OPRM1: variants seen among roughly 807,000 people sequenced by gnomAD.
The protein encoded by OPRM1 is opioid receptor mu 1.
In OPRM1, 27 loss-of-function variants were observed where a neutral mutation model predicts 31.8. The ratio of observed to expected loss-of-function variants is 0.85; its 90% confidence interval spans 0.63 to 1.17. The LOEUF is 1.17. Ranked by LOEUF, OPRM1 falls within the 50% of genes most tolerant of loss-of-function variation. OPRM1 has a pLI of 0.00. For synonymous variants in OPRM1, 196 were observed against 189.9 expected, an observed-to-expected ratio of 1.03 and a Z score of -0.26; for missense variants, 536 against 511.1, an observed-to-expected ratio of 1.05 and a Z score of -0.47.
rs73790433 is a variant in OPRM1 at position 154,114,162 on chromosome 6, C to A, written c.1165-4521C>A. Among the ~76,000 whole-genome samples the A allele has an allele frequency of 1.6e-3, 239 of 152,300 alleles. 1 individual carries two copies. The highest frequency in any genetic ancestry group is 5.5e-3 in the African/African-American group (228 of 41,558). On this transcript the variant is annotated intron_variant, in intron 3 of 3. Transcript: ENST00000330432. ...ACAAGAGGCATGCATAGATAAGGCA[C>A]GTATTGTCTCTAAGATCTAAATAGT...
chr6:154,091,138 T>G lies in OPRM1; in HGVS notation c.830T>G (p.Leu277Arg). 1 of 1,614,172 alleles carries G rather than the reference T, an allele frequency of 6.2e-7. No homozygotes were observed. The highest frequency in any genetic ancestry group is 8.5e-7 in the Non-Finnish European group (1 of 1,180,020). The change falls in exon 3 of 4, where the codon CTT (leucine) becomes CGT (arginine). Residue 277 changes from leucine to arginine, a missense_variant. Coordinates refer to ENST00000330432, the MANE Select transcript of OPRM1 (RefSeq NM_000914.5). ...LSGSKEKDRN[L>R]RRITRMVLVV... ...GGCTCCAAAGAAAAGGACAGGAATC[T>G]TCGAAGGATCACCAGGATGGTGCTG...
Position 154,121,833 on chromosome 6 carries a change from AG to A in OPRM1, c.*3113del, listed in dbSNP as rs1413901206. 2.0e-5 allele frequency among the ~76,000 whole-genome samples: 3 copies of A among 152,218 alleles called. No homozygotes were observed. The East Asian group carries it at 5.8e-4, about 29-fold the overall frequency. ...GCATTCAAAATCTTTACTTAAGTCA[AG>A]TCTATTTATACGTTTAAAAGCTAAA... On this transcript the variant is annotated 3_prime_UTR_variant, in exon 4 of 4. Transcript: ENST00000330432.
At chr6:154,189,248 T>C (rs929616456) in intron 3 of OPRM1, among the ~76,000 whole-genome samples, 1 of 152,206 alleles carries the variant, frequency 6.6e-6, no homozygotes, top group Non-Finnish European at 1.5e-5. Context: ...ACTTTACCAA[T>C]GAGGATGTGG....
intron 3 of OPRM1, among the ~76,000 whole-genome samples, chr6:154,142,122 C>T (rs894807219): frequency 3.7e-5 from 2 of 53,348 alleles, no homozygotes; most frequent in African/African-American, 1.3e-4. Flanking sequence ...AACCTCTGGC[C>T]GTCTCTGCTG....
At chr6:154,044,764 T>A (rs1016023986) in intron 1 of OPRM1, among the ~76,000 whole-genome samples, 27 of 152,210 alleles carry the variant, frequency 1.8e-4, no homozygotes, top group African/African-American at 6.5e-4. Context: ...AATATTTACT[T>A]TGAGATTTTG....
At chr6:154,076,387 C>A (rs1787887300) in intron 1 of OPRM1, among the ~76,000 whole-genome samples, 1 of 152,048 alleles carries the variant, frequency 6.6e-6, no homozygotes, top group South Asian at 2.1e-4. Context: ...AAAAAGACAA[C>A]CTAATAAAAA....
At chr6:154,152,347 G>GAAAAAA in intron 3 of OPRM1, among the ~76,000 whole-genome samples, 1 of 65,132 alleles carries the variant, frequency 1.5e-5, no homozygotes, top group African/African-American at 5.6e-5. Flanking sequence ...AAGAAAGAAA[G>GAAAAAA]GAAAGAAAGA....
chr6:154,033,692 C>T (rs1467656532), intron 1 of OPRM1, among the ~76,000 whole-genome samples: 1 of 152,116 alleles, frequency 6.6e-6, no homozygotes, highest in East Asian at 1.9e-4. Context: ...GGCACTGATA[C>T]AAATGTTCAA....
chr6:154,133,120 CAA>C (rs61513712), downstream of OPRM1, among the ~76,000 whole-genome samples: 669 of 135,948 alleles, frequency 4.9e-3, 2 homozygotes, highest in Middle Eastern at 7.4e-3. Context: ...GACTCCATCT[CAA>C]AAAAAAAAAA....
intron 3 of OPRM1, chr6:154,199,632 A>C: frequency 6.5e-7 from 1 of 1,528,936 alleles, no homozygotes; most frequent in Non-Finnish European, 8.8e-7. Flanking sequence ...ACAAATATTC[A>C]CTCTCTAACG....
chr6:154,084,126 C>T (rs893046423), intron 1 of OPRM1, among the ~76,000 whole-genome samples: 6 of 152,032 alleles, frequency 3.9e-5, no homozygotes, highest in Non-Finnish European at 7.4e-5. Flanking sequence ...CCTTTCCCGT[C>T]GCAGGATTCA....
intron 1 of OPRM1, among the ~76,000 whole-genome samples, chr6:154,015,983 T>C (rs1351854054): frequency 6.6e-6 from 1 of 151,938 alleles, no homozygotes. Context: ...TCATGAAGAA[T>C]CAGACACTCA....
intron 3 of OPRM1, chr6:154,222,849 T>C (rs1778973612): frequency 3.0e-6 from 1 of 333,028 alleles, no homozygotes; most frequent in African/African-American, 2.1e-5. Flanking sequence ...TGTTTTTTCT[T>C]TAGTAGAACC....
chr6:154,064,429 T>A (rs1249733598), intron 1 of OPRM1, among the ~76,000 whole-genome samples: 2 of 152,156 alleles, frequency 1.3e-5, no homozygotes, highest in African/African-American at 4.8e-5. Context: ...TATTTCTCAT[T>A]CTGTAGGTTG....
At position 154,142,401 on chromosome 6, in the gene OPRM1, C is replaced by A. The variant is rs116521900; in HGVS notation, c.1164+50929C>A. Among the ~76,000 whole-genome samples the A allele has an allele frequency of 8.1e-3, 1,040 of 128,600 alleles. 16 individuals carry two copies. The highest frequency in any genetic ancestry group is 0.028 in the African/African-American group (977 of 35,288). The allele number at this position is 128,600 out of a possible 152,430, so 84.4% of individuals were successfully genotyped here. A position where few individuals can be genotyped will look rare whatever the true frequency, so the allele number is the denominator to read the frequency against. On this transcript the variant is annotated intron_variant, in intron 3 of 3. Transcript: ENST00000337049. ...TTAAGAGGCAAAATGGGTAGTATGACCTTCTGGGGACATTCCACCAGAAAA... is the reference window on the plus strand; with the variant it reads ...TTAAGAGGCAAAATGGGTAGTATGAACTTCTGGGGACATTCCACCAGAAAA...
chr6:154,060,183 T>C (rs987545993), intron 1 of OPRM1, among the ~76,000 whole-genome samples: 1 of 152,248 alleles, frequency 6.6e-6, no homozygotes, highest in East Asian at 1.9e-4. Context: ...GCAGCACTAA[T>C]GAAATTCAAG....
chr6:154,220,531 A>G (rs193217302), intron 3 of OPRM1, among the ~76,000 whole-genome samples: 1 of 152,276 alleles, frequency 6.6e-6, no homozygotes, highest in East Asian at 1.9e-4. Flanking sequence ...CACGCCTGTA[A>G]CTTGGGAGGC....
chr6:154,028,255 GGT>G (rs765149073), intron 1 of OPRM1, among the ~76,000 whole-genome samples: 8 of 152,086 alleles, frequency 5.3e-5, no homozygotes, highest in Non-Finnish European at 1.0e-4. Flanking sequence ...TCTGGCCCAG[GGT>G]GTGTCTAGAG....
intron 3 of OPRM1, among the ~76,000 whole-genome samples, chr6:154,094,493 G>A (rs1261035329): frequency 6.6e-6 from 1 of 152,216 alleles, no homozygotes; most frequent in Non-Finnish European, 1.5e-5. Context: ...ATTGGAGCTG[G>A]GCTTGGCTGG....
Sources: allele counts gnomAD v4.1 joint callset (sites outside exome capture counted in the v4.1 genomes callset), GRCh38; gene constraint gnomAD v4.1.1; transcripts MANE v1.5; gene names NCBI Gene and HGNC (gene_info 2026-07-23, HGNC 2026-07-21).